SORCS1: variants seen among roughly 807,000 people sequenced by gnomAD.
SORCS1 encodes sortilin related VPS10 domain containing receptor 1.
A neutral mutation model predicts 146.1 loss-of-function variants in SORCS1; 60 were observed. That is an observed-to-expected ratio of 0.41 (90% confidence interval 0.33 to 0.51). SORCS1 has a LOEUF of 0.51. SORCS1 is among the 20% of genes least tolerant of loss of function. SORCS1 has a pLI of 0.21. For missense variants in SORCS1, 1,352 were observed against 1,487.6 expected (o/e 0.91, Z 1.50); for synonymous variants, 637 against 584.0 (o/e 1.09, Z -1.31).
At chr10:106,861,249 A>T (rs556389305) in intron 2 of SORCS1, among the ~76,000 whole-genome samples, 1 of 151,962 alleles carries the variant, frequency 6.6e-6, no homozygotes, top group South Asian at 2.1e-4. Context: ...ATACAAAAAA[A>T]ATTAGCCAGG....
chr10:106,601,109 A>G (rs1160430830), intron 23 of SORCS1, among the ~76,000 whole-genome samples: 3 of 152,220 alleles, frequency 2.0e-5, no homozygotes, highest in Non-Finnish European at 4.4e-5. Flanking sequence ...TATAGAAAGG[A>G]GTAGAATAAA....
chr10:106,631,351 T>A (rs1848430496), intron 18 of SORCS1, among the ~76,000 whole-genome samples: 1 of 152,212 alleles, frequency 6.6e-6, no homozygotes, highest in African/African-American at 2.4e-5. Flanking sequence ...AATATAAATG[T>A]CAACTATTCT....
Position 107,010,692 on chromosome 10 carries a change from G to A in SORCS1, c.559-54112C>T, listed in dbSNP as rs1022607702. On this transcript the variant is annotated intron_variant, in intron 1 of 25. Coordinates refer to ENST00000263054, the MANE Select transcript of SORCS1 (RefSeq NM_052918.5). ...AACTGAGCTAACCGTGGGGCCTGTGGGTCATTTTGAGAGGCCTCAGATCTC... is the reference window on the plus strand; with the variant it reads ...AACTGAGCTAACCGTGGGGCCTGTGAGTCATTTTGAGAGGCCTCAGATCTC... Among the ~76,000 whole-genome samples, 12 of 55,946 alleles carry A rather than the reference G, an allele frequency of 2.1e-4. No individual in the cohort carries two copies. The African/African-American group carries it at 3.0e-3, about 14-fold the overall frequency. The allele number at this position is 55,946 out of a possible 152,430, so 36.7% of individuals were successfully genotyped here. A position where few individuals can be genotyped will look rare whatever the true frequency, so the allele number is the denominator to read the frequency against.
At chr10:106,997,356 G>A (rs1957042803) in intron 1 of SORCS1, among the ~76,000 whole-genome samples, 1 of 152,294 alleles carries the variant, frequency 6.6e-6, no homozygotes, top group East Asian at 1.9e-4. Flanking sequence ...CATGCTTGCA[G>A]CTTTGATATG....
chr10:106,720,763 A>G (rs1345138744), intron 6 of SORCS1, among the ~76,000 whole-genome samples: 1 of 152,050 alleles, frequency 6.6e-6, no homozygotes, highest in East Asian at 1.9e-4. Context: ...TTGTTCTCTC[A>G]GCCTCAGCAT....
intron 1 of SORCS1, among the ~76,000 whole-genome samples, chr10:106,980,690 A>G (rs549238389): frequency 3.9e-5 from 6 of 152,182 alleles, no homozygotes; most frequent in African/African-American, 1.4e-4. Flanking sequence ...CCTGTTATAC[A>G]TATTTCCTCT....
intron 1 of SORCS1, among the ~76,000 whole-genome samples, chr10:107,092,535 G>A (rs1964260235): frequency 6.6e-6 from 1 of 152,160 alleles, no homozygotes; most frequent in Non-Finnish European, 1.5e-5. Flanking sequence ...CACATGACAA[G>A]GCTGCAGTCC....
At chr10:106,990,763 G>A (rs1472134374) in intron 1 of SORCS1, among the ~76,000 whole-genome samples, 1 of 152,014 alleles carries the variant, frequency 6.6e-6, no homozygotes, top group East Asian at 1.9e-4. Flanking sequence ...TAATGCATAA[G>A]GTCTACTTCT....
intron 1 of SORCS1, among the ~76,000 whole-genome samples, chr10:107,108,998 C>T (rs922810987): frequency 1.3e-5 from 2 of 152,238 alleles, no homozygotes; most frequent in African/African-American, 4.8e-5. Flanking sequence ...TGTCCCACAT[C>T]CATGGGGGTG....
chr10:107,006,295 C>G (rs764638013), intron 1 of SORCS1, among the ~76,000 whole-genome samples: 1 of 151,650 alleles, frequency 6.6e-6, no homozygotes, highest in Non-Finnish European at 1.5e-5. Flanking sequence ...TAGCACCTGA[C>G]AGGTACTAGA....
At chr10:107,078,943 C>T (rs573311054) in intron 1 of SORCS1, among the ~76,000 whole-genome samples, 4 of 152,094 alleles carry the variant, frequency 2.6e-5, no homozygotes, top group Middle Eastern at 3.4e-3. Context: ...GTGTTGAGAT[C>T]GGCTGGGCAC....
At chr10:106,591,697 G>A (rs1236165852) in intron 24 of SORCS1, among the ~76,000 whole-genome samples, 1 of 152,162 alleles carries the variant, frequency 6.6e-6, no homozygotes, top group Non-Finnish European at 1.5e-5. Context: ...TTAAATAGGA[G>A]TGATTCAAAA....
chr10:106,748,241 A>G (rs1857891694), intron 5 of SORCS1, among the ~76,000 whole-genome samples: 1 of 152,174 alleles, frequency 6.6e-6, no homozygotes, highest in Admixed American at 6.5e-5. Context: ...TTCCAAAAGC[A>G]CGTGCTCACT....
At position 106,688,224 on chromosome 10, in the gene SORCS1, C is replaced by G. The variant is rs761523832; in HGVS notation, c.1528G>C (p.Asp510His). 1 of 1,614,012 alleles carries G rather than the reference C, an allele frequency of 6.2e-7. No individual in the cohort carries two copies. Among genetic ancestry groups the G allele is most frequent in the East Asian group, 2.2e-5 (1 of 44,878 alleles). Residue 510 changes from aspartate (D) to histidine (H), a missense_variant, in exon 10 of 26, where the codon GAT (aspartate) becomes CAT (histidine). Asp to His is a moderately conservative substitution (Grantham distance 81). Transcript: ENST00000263054. ...DWRLLQAPDT[D>H]LRGDPVHCLL... ...CAGTGCACGGGGTCCCCCCTTAGAT[C>G]CGTGTCCGGCGCCTGCAGCAAACGC...
chr10:106,763,462 C>A (rs1049948474), intron 4 of SORCS1, among the ~76,000 whole-genome samples: 5 of 152,324 alleles, frequency 3.3e-5, no homozygotes, highest in African/African-American at 1.2e-4. Context: ...AAACAATCCA[C>A]TAAACCAAGC....
intron 3 of SORCS1, among the ~76,000 whole-genome samples, chr10:106,824,943 G>C (rs538786906): frequency 6.7e-6 from 1 of 149,208 alleles, no homozygotes; most frequent in South Asian, 2.1e-4. Flanking sequence ...AAAACATAAA[G>C]AACAAATACT....
At chr10:107,045,885 G>A (rs1402194104) in intron 1 of SORCS1, among the ~76,000 whole-genome samples, 1 of 150,540 alleles carries the variant, frequency 6.6e-6, no homozygotes, top group African/African-American at 2.4e-5. Flanking sequence ...CTGAGCTCAA[G>A]CAATCCTTCA....
intron 1 of SORCS1, among the ~76,000 whole-genome samples, chr10:107,131,445 C>G (rs780161116): frequency 1.3e-5 from 2 of 152,174 alleles, no homozygotes; most frequent in Admixed American, 6.5e-5. Context: ...TCTTTTGGCC[C>G]GATGCAGTGG....
intron 1 of SORCS1, among the ~76,000 whole-genome samples, chr10:107,003,063 C>T (rs1466813721): frequency 6.6e-6 from 1 of 152,138 alleles, no homozygotes; most frequent in Non-Finnish European, 1.5e-5. Flanking sequence ...CGAGACCAGC[C>T]TGGCCAACAT....
Sources: gnomAD v4.1 joint callset for allele counts (sites outside exome capture counted in the v4.1 genomes callset) on GRCh38, gnomAD v4.1.1 for gene constraint, MANE v1.5 for transcripts, NCBI Gene and HGNC (gene_info 2026-07-23, HGNC 2026-07-21) for gene names.